Variants in YIPF7 observed in about 807,000 individuals in gnomAD.
YIPF7 encodes protein YIPF7.
A neutral mutation model predicts 27.2 loss-of-function variants in YIPF7; 35 were observed. That is an observed-to-expected ratio of 1.29 (90% CI 0.98 to 1.70). The LOEUF (loss-of-function observed/expected upper bound fraction) is 1.70. Among genes scored for constraint, YIPF7 ranks in the 40% most tolerant of loss-of-function variants. The pLI, the probability that YIPF7 is intolerant of heterozygous loss-of-function variation, is 0.00. For missense variants in YIPF7, 358 were observed against 303.7 expected, an observed-to-expected ratio of 1.18 and a Z score of -1.33; for synonymous variants, 137 against 110.4, an observed-to-expected ratio of 1.24 and a Z score of -1.51.
At chr4:44,644,087 T>C (rs1163806546) in intron 2 of YIPF7, among the ~76,000 whole-genome samples, 3 of 152,132 alleles carry the variant, frequency 2.0e-5, no homozygotes, top group Admixed American at 1.3e-4. Flanking sequence ...AACCTGCATC[T>C]AGAAAAGCCT....
At chr4:44,624,239 T>G (rs1166725913) in intron 5 of YIPF7, among the ~76,000 whole-genome samples, 2 of 151,844 alleles carry the variant, frequency 1.3e-5, no homozygotes, top group African/African-American at 4.8e-5. Flanking sequence ...TAATTTTGTA[T>G]TTTTAGTAGA....
intron 2 of YIPF7, among the ~76,000 whole-genome samples, chr4:44,644,313 T>C (rs557787712): frequency 1.2e-4 from 18 of 152,270 alleles, no homozygotes; most frequent in African/African-American, 3.8e-4. Context: ...ACACATAAAA[T>C]ATGCTAACAC....
intron 2 of YIPF7, among the ~76,000 whole-genome samples, chr4:44,642,490 A>G (rs1043092106): frequency 3.9e-5 from 6 of 152,232 alleles, no homozygotes; most frequent in African/African-American, 1.4e-4. Context: ...AAAAAAAAGC[A>G]TAACCAATAC....
At chr4:44,657,873 A>G (rs930475117) in intron 2 of YIPF7, among the ~76,000 whole-genome samples, 1 of 152,044 alleles carries the variant, frequency 6.6e-6, no homozygotes, top group African/African-American at 2.4e-5. Flanking sequence ...CTCAGGATAT[A>G]TAGTGAAAGG....
intron 1 of YIPF7, among the ~76,000 whole-genome samples, chr4:44,651,071 T>C (rs949662455): frequency 1.3e-5 from 2 of 152,212 alleles, no homozygotes; most frequent in Non-Finnish European, 2.9e-5. Flanking sequence ...TAATAATCTA[T>C]GGAATACTAC....
At chr4:44,629,220 C>A in intron 4 of YIPF7, 183 bp downstream of exon 4, 1 of 598,508 alleles carries the variant, frequency 1.7e-6, no homozygotes, top group Admixed American at 4.3e-5. Context: ...TAAATTTATA[C>A]TTTTTAGCTG....
intron 4 of YIPF7, among the ~76,000 whole-genome samples, chr4:44,626,352 T>C (rs1712634678): frequency 6.6e-6 from 1 of 152,206 alleles, no homozygotes; most frequent in Admixed American, 6.5e-5. Context: ...ATCATTGTCA[T>C]GCATTAGAGA....
intron 4 of YIPF7, among the ~76,000 whole-genome samples, chr4:44,625,485 C>A (rs1712604281): frequency 6.6e-6 from 1 of 152,160 alleles, no homozygotes; most frequent in Non-Finnish European, 1.5e-5. Flanking sequence ...TTTAATTTAG[C>A]ATTTAGTTGA....
intron 3 of YIPF7, among the ~76,000 whole-genome samples, chr4:44,631,954 A>G (rs1310362964): frequency 2.6e-5 from 4 of 152,182 alleles, no homozygotes; most frequent in African/African-American, 9.6e-5. Context: ...CTCAGAAAAT[A>G]TAATTAGTTT....
chr4:44,640,021 T>G (rs1713273587), intron 2 of YIPF7, among the ~76,000 whole-genome samples: 1 of 152,216 alleles, frequency 6.6e-6, no homozygotes, highest in Admixed American at 6.5e-5. Context: ...TAAATCATCC[T>G]TTCATCCCTT....
chr4:44,646,237 T>G (rs1448352016), intron 2 of YIPF7, among the ~76,000 whole-genome samples: 1 of 152,204 alleles, frequency 6.6e-6, no homozygotes, highest in African/African-American at 2.4e-5. Context: ...ACTCAGGCAA[T>G]CTAAGTGCCC....
intron 5 of YIPF7, among the ~76,000 whole-genome samples, chr4:44,624,060 C>CT (rs1170920998): frequency 0.019 from 2,590 of 137,138 alleles, 55 homozygotes; most frequent in African/African-American, 0.056. Context: ...TTCTCTCTCT[C>CT]TTTTTTTTTT....
intron 2 of YIPF7, among the ~76,000 whole-genome samples, chr4:44,643,950 T>G (rs991088586): frequency 6.6e-6 from 1 of 151,772 alleles, no homozygotes; most frequent in Non-Finnish European, 1.5e-5. Context: ...ACTAGGGAAG[T>G]GTGGAATGAA....
At chr4:44,649,773 A>G (rs546382132) in intron 2 of YIPF7, among the ~76,000 whole-genome samples, 1 of 152,110 alleles carries the variant, frequency 6.6e-6, no homozygotes, top group South Asian at 2.1e-4. Context: ...TACAAAAGCA[A>G]TTGACACTTT....
At chr4:44,628,247 A>G (rs1440577086) in intron 4 of YIPF7, among the ~76,000 whole-genome samples, 1 of 152,166 alleles carries the variant, frequency 6.6e-6, no homozygotes, top group African/African-American at 2.4e-5. Flanking sequence ...ATAAGATGTT[A>G]TCGCTAAATA....
intron 2 of YIPF7, among the ~76,000 whole-genome samples, chr4:44,645,369 CT>C (rs2109595922): frequency 6.6e-6 from 1 of 152,206 alleles, no homozygotes; most frequent in South Asian, 2.1e-4. Context: ...CTACAATATC[CT>C]TTCATGAAAA....
chr4:44,658,553 C>T (rs10805130), intron 2 of YIPF7, among the ~76,000 whole-genome samples: 94,704 of 151,968 alleles, frequency 0.62, 30,284 homozygotes, highest in Non-Finnish European at 0.7. Context: ...CAATATATAC[C>T]GGGGGAATGA....
At chr4:44,660,113 CAAAA>C (rs11461675) in intron 2 of YIPF7, among the ~76,000 whole-genome samples, 16 of 25,518 alleles carry the variant, frequency 6.3e-4, no homozygotes, top group African/African-American at 1.5e-3. Context: ...GACTCTGTCT[CAAAA>C]AAAAAAAAAA....
upstream of YIPF7, among the ~76,000 whole-genome samples, chr4:44,656,012 G>A (rs921819024): frequency 1.3e-5 from 2 of 151,914 alleles, no homozygotes; most frequent in Admixed American, 6.6e-5. Flanking sequence ...TATTTCTTCT[G>A]AATTTCCACT....
Sources: allele counts gnomAD v4.1 joint callset (sites outside exome capture counted in the v4.1 genomes callset), GRCh38; gene constraint gnomAD v4.1.1; transcripts MANE v1.5; gene names NCBI Gene and HGNC (gene_info 2026-07-23, HGNC 2026-07-21).